NBEA: variants seen among roughly 807,000 people sequenced by gnomAD.
NBEA encodes lysosomal-trafficking regulator 2.
A neutral mutation model predicts 343.4 loss-of-function variants in NBEA; 44 were observed. The observed-to-expected ratio is 0.13, with a 90% CI of 0.10 to 0.16. NBEA has a LOEUF of 0.16. NBEA is among the 10% of genes least tolerant of loss of function. NBEA has a pLI of 1.00. For synonymous variants in NBEA, 1,175 were observed against 1,238.7 expected (o/e 0.95, Z 1.08); for missense variants, 2,555 against 3,631.3 (o/e 0.70, Z 7.62).
chr13:35,330,078 A>G (rs1306311718), intron 36 of NBEA, among the ~76,000 whole-genome samples: 1 of 152,050 alleles, frequency 6.6e-6, no homozygotes, highest in African/African-American at 2.4e-5. Flanking sequence ...GGAAACTATT[A>G]GCAGCCACAC....
intron 47 of NBEA, among the ~76,000 whole-genome samples, chr13:35,598,209 C>T (rs916654886): frequency 2.0e-5 from 3 of 152,124 alleles, no homozygotes; most frequent in South Asian, 2.1e-4. Context: ...AGTTAAACTT[C>T]GGTAGAAACT....
In NBEA at chr13:35,142,337, C is replaced by G. The variant is rs1421046109; in HGVS notation, c.2405C>G (p.Thr802Arg). 3.7e-6 allele frequency: 6 copies of G among 1,613,058 alleles called. No individual in the cohort carries two copies. The highest frequency in any genetic ancestry group is 2.2e-5 in the East Asian group (1 of 44,782). The change falls in exon 18 of 59, where the codon ACA becomes AGA. Residue 802 changes from threonine (T) to arginine (R), a missense_variant. Coordinates refer to ENST00000379939, the MANE Select transcript of NBEA (RefSeq NM_001385012.1). ...CTTGGAGAAAGGCTGATGTTGCATA[C>G]AAACACTGTGACTGTCACCACATAC... ...TLLGERLMLH[T>R]NTVTVTTYNT... is the part of the protein sequence containing the mutation.
At chr13:35,314,378 G>A (rs963618575) in intron 36 of NBEA, among the ~76,000 whole-genome samples, 2 of 152,128 alleles carry the variant, frequency 1.3e-5, no homozygotes, top group African/African-American at 4.8e-5. Flanking sequence ...GTTCAGAGAA[G>A]ATAGGCATTT....
chr13:35,153,408 A>G (rs909586065), intron 18 of NBEA, among the ~76,000 whole-genome samples: 1 of 152,166 alleles, frequency 6.6e-6, no homozygotes, highest in Non-Finnish European at 1.5e-5. Flanking sequence ...CTCCAGAACA[A>G]TAATTAAATA....
chr13:35,596,935 A>T lies in NBEA; in HGVS notation c.7296+3488A>T, dbSNP rs2081832328. The stretch of plus-strand genomic sequence containing the variant: ...AAGAAAGAAAAGAGATGGCAGCTTT[A>T]AAACCTTGCAATGAATTATATTAGA... On this transcript the variant is annotated intron_variant, in intron 47 of 58. Transcript: ENST00000379939. Among the ~76,000 whole-genome samples the T allele has an allele frequency of 3.3e-5, 5 of 152,146 alleles. No individual in the cohort carries two copies. In the South Asian group the frequency reaches 1.0e-3, roughly 32 times the overall value.
chr13:35,270,088 A>G (rs1166018780), intron 34 of NBEA, among the ~76,000 whole-genome samples: 1 of 152,124 alleles, frequency 6.6e-6, no homozygotes, highest in Non-Finnish European at 1.5e-5. Context: ...AACTTCTCCA[A>G]ATTATTTTTT....
intron 12 of NBEA, among the ~76,000 whole-genome samples, chr13:35,110,272 C>T (rs1156749729): frequency 4.1e-5 from 6 of 145,552 alleles, no homozygotes; most frequent in Non-Finnish European, 9.0e-5. Flanking sequence ...TCTTTGACAA[C>T]TCTTTTAACC....
At chr13:35,248,852 A>C (rs2031583113) in intron 34 of NBEA, among the ~76,000 whole-genome samples, 1 of 152,210 alleles carries the variant, frequency 6.6e-6, no homozygotes, top group Non-Finnish European at 1.5e-5. Context: ...AGAAAACAGG[A>C]TAAAAGCTTC....
chr13:35,078,032 T>C (rs2064198014), intron 10 of NBEA, among the ~76,000 whole-genome samples: 1 of 152,184 alleles, frequency 6.6e-6, no homozygotes, highest in Admixed American at 6.5e-5. Context: ...GAATACTTCA[T>C]TTAAGGTGTC....
At chr13:35,621,981 C>A (rs1307050715) in intron 48 of NBEA, among the ~76,000 whole-genome samples, 1 of 152,116 alleles carries the variant, frequency 6.6e-6, no homozygotes, top group Non-Finnish European at 1.5e-5. Context: ...AATGATTTCA[C>A]AAGTAAATTT....
chr13:35,644,425 ACTTTC>A (rs147854297), intron 49 of NBEA, among the ~76,000 whole-genome samples: 5,144 of 152,256 alleles, frequency 0.034, 295 homozygotes, highest in African/African-American at 0.12. Flanking sequence ...CAATGTTAAT[ACTTTC>A]CTTTAAGAAA....
chr13:35,243,713 A>T (rs776740116), intron 34 of NBEA, among the ~76,000 whole-genome samples: 1 of 151,950 alleles, frequency 6.6e-6, no homozygotes, highest in East Asian at 1.9e-4. Context: ...AACAACTATA[A>T]ATTTATATGT....
chr13:35,226,708 C>G (rs1242769951), intron 33 of NBEA, among the ~76,000 whole-genome samples: 1 of 116,870 alleles, frequency 8.6e-6, no homozygotes, highest in African/African-American at 3.2e-5. Flanking sequence ...TTTTTACTTT[C>G]GTAATTAGCA....
intron 26 of NBEA, among the ~76,000 whole-genome samples, chr13:35,172,550 A>T (rs2152723327): frequency 6.6e-6 from 1 of 151,982 alleles, no homozygotes; most frequent in Admixed American, 6.6e-5. Context: ...CCAAGACTTT[A>T]CTCCCTATTT....
intron 34 of NBEA, among the ~76,000 whole-genome samples, chr13:35,286,642 A>G (rs1446536075): frequency 2.6e-5 from 4 of 152,126 alleles, no homozygotes; most frequent in Non-Finnish European, 5.9e-5. Context: ...TTCTTTATTA[A>G]AATAATATCA....
chr13:35,169,591 A>G (rs2070309367), intron 25 of NBEA, among the ~76,000 whole-genome samples: 1 of 151,672 alleles, frequency 6.6e-6, no homozygotes, highest in African/African-American at 2.4e-5. Context: ...GAATATAGAG[A>G]GATAGCTATC....
At chr13:35,534,628 G>A (rs73171534) in intron 41 of NBEA, among the ~76,000 whole-genome samples, 24 of 152,262 alleles carry the variant, frequency 1.6e-4, no homozygotes, top group Non-Finnish European at 3.4e-4. Context: ...GGAAACACCT[G>A]AGATAAGAAC....
chr13:35,509,084 T>C (rs2077174942), intron 41 of NBEA, among the ~76,000 whole-genome samples: 1 of 152,188 alleles, frequency 6.6e-6, no homozygotes, highest in Non-Finnish European at 1.5e-5. Context: ...CTGTTTATAA[T>C]GGCGGATGCC....
intron 38 of NBEA, among the ~76,000 whole-genome samples, chr13:35,394,100 A>G (rs933089009): frequency 6.6e-6 from 1 of 152,150 alleles, no homozygotes; most frequent in Non-Finnish European, 1.5e-5. Context: ...GGAAAATAGC[A>G]TATCCTTCCC....
Sources: gnomAD v4.1 joint callset for allele counts (sites outside exome capture counted in the v4.1 genomes callset) on GRCh38, gnomAD v4.1.1 for gene constraint, MANE v1.5 for transcripts, NCBI Gene and HGNC (gene_info 2026-07-23, HGNC 2026-07-21) for gene names.